Variants in TSHZ2 observed in about 807,000 individuals in gnomAD.
TSHZ2 encodes teashirt zinc finger homeobox 2, also known as teashirt homolog 2.
A neutral mutation model predicts 74.4 loss-of-function variants in TSHZ2; 21 were observed. That is an observed-to-expected ratio of 0.28 (90% confidence interval 0.20 to 0.41). The LOEUF is 0.41. TSHZ2 is among the 10% of genes least tolerant of loss of function. The probability of loss-of-function intolerance (pLI) is 1.00; values close to 1 mark genes in which losing one functional copy is unlikely to be tolerated. For synonymous variants in TSHZ2, 540 were observed against 515.3 expected (o/e 1.05, Z -0.65); for missense variants, 1,244 against 1,293.5 (o/e 0.96, Z 0.59).
chr20:53,463,726 C>T lies in TSHZ2; in HGVS notation c.*9-23418C>T, dbSNP rs146476621. ...AGGCAAAACCTTGGGGAGTAGGGCC[C>T]AGGCATCCACAGGTGACTCCTACCT... On this transcript the variant is annotated intron_variant, in intron 2 of 2. Transcript: ENST00000371497. 6.0e-4 allele frequency among the ~76,000 whole-genome samples: 92 copies of T among 152,286 alleles called. 3 individuals are homozygous for T. The highest frequency in any genetic ancestry group is 2.2e-3 in the African/African-American group (90 of 41,564).
At chr20:53,245,275 T>G (rs778753112) in intron 1 of TSHZ2, among the ~76,000 whole-genome samples, 1 of 152,262 alleles carries the variant, frequency 6.6e-6, no homozygotes, top group Non-Finnish European at 1.5e-5. Flanking sequence ...CCCAAGACAT[T>G]ACACAGTACA....
chr20:53,415,153 T>C (rs1054780415), intron 2 of TSHZ2, among the ~76,000 whole-genome samples: 2 of 152,196 alleles, frequency 1.3e-5, no homozygotes, highest in African/African-American at 4.8e-5. Flanking sequence ...CCCTCTCTCT[T>C]TCATTTGCCT....
intron 2 of TSHZ2, among the ~76,000 whole-genome samples, chr20:53,261,042 T>C (rs1275505730): frequency 6.6e-6 from 1 of 152,206 alleles, no homozygotes; most frequent in African/African-American, 2.4e-5. Flanking sequence ...TCATGATTTG[T>C]CCAAGAAGAC....
chr20:53,412,395 G>A (rs545319714), intron 2 of TSHZ2, among the ~76,000 whole-genome samples: 2 of 152,154 alleles, frequency 1.3e-5, no homozygotes, highest in Non-Finnish European at 2.9e-5. Context: ...ACCCATTGTT[G>A]GTTTTGTTTT....
chr20:53,181,873 C>T (rs1043939376), intron 1 of TSHZ2, among the ~76,000 whole-genome samples: 5 of 152,120 alleles, frequency 3.3e-5, no homozygotes, highest in Admixed American at 2.6e-4. Context: ...AACAGCTGTG[C>T]CCAGACAGCC....
At chr20:53,059,579 C>G (rs569935263) in intron 1 of TSHZ2, among the ~76,000 whole-genome samples, 2 of 152,258 alleles carry the variant, frequency 1.3e-5, no homozygotes, top group Admixed American at 6.5e-5. Context: ...GCCATTTCTC[C>G]TGAATTCATA....
At chr20:53,325,925 G>A (rs530529746) in intron 2 of TSHZ2, among the ~76,000 whole-genome samples, 1 of 152,262 alleles carries the variant, frequency 6.6e-6, no homozygotes, top group East Asian at 1.9e-4. Flanking sequence ...GGGATTACAG[G>A]CATCTGCCAC....
intron 2 of TSHZ2, among the ~76,000 whole-genome samples, chr20:53,350,001 T>C (rs970520519): frequency 1.3e-5 from 2 of 152,212 alleles, no homozygotes; most frequent in African/African-American, 4.8e-5. Flanking sequence ...CAGGGGCCTC[T>C]TCCTTGAATT....
At chr20:53,407,451 C>A (rs937573415) in intron 2 of TSHZ2, among the ~76,000 whole-genome samples, 1 of 152,184 alleles carries the variant, frequency 6.6e-6, no homozygotes, top group South Asian at 2.1e-4. Context: ...CAATTATCAC[C>A]TTGCAAATGG....
intron 1 of TSHZ2, among the ~76,000 whole-genome samples, chr20:53,228,669 T>C (rs1022072478): frequency 2.4e-5 from 3 of 125,536 alleles, no homozygotes; most frequent in African/African-American, 9.4e-5. Context: ...ACCTCCCGAG[T>C]TGAGACAACC....
intron 1 of TSHZ2, among the ~76,000 whole-genome samples, chr20:53,131,828 CCCCCCCAA>C (rs765048492): frequency 7.3e-6 from 1 of 137,806 alleles, no homozygotes; most frequent in African/African-American, 2.6e-5. Context: ...AACCCCCCCC[CCCCCCCAA>C]AAAAAAAAAG....
intron 1 of TSHZ2, among the ~76,000 whole-genome samples, chr20:53,129,791 G>T (rs1987052110): frequency 6.6e-6 from 1 of 151,818 alleles, no homozygotes; most frequent in Non-Finnish European, 1.5e-5. Context: ...ACCTTCGGTT[G>T]GATGATCCAC....
intron 2 of TSHZ2, among the ~76,000 whole-genome samples, chr20:53,430,401 G>A (rs1228146479): frequency 2.0e-5 from 3 of 151,348 alleles, no homozygotes; most frequent in Admixed American, 6.6e-5. Context: ...CACTGCACCC[G>A]GCCAAGGATA....
At chr20:53,121,012 A>G (rs374754286) in intron 1 of TSHZ2, among the ~76,000 whole-genome samples, 16 of 152,188 alleles carry the variant, frequency 1.1e-4, no homozygotes, top group African/African-American at 3.9e-4. Context: ...TCTTTGCCAC[A>G]ACATTTTTGC....
At chr20:53,281,460 C>T (rs1259845807) in intron 2 of TSHZ2, among the ~76,000 whole-genome samples, 1 of 152,200 alleles carries the variant, frequency 6.6e-6, no homozygotes, top group Non-Finnish European at 1.5e-5. Context: ...TACTACAAAT[C>T]TTCAACTCTG....
intron 2 of TSHZ2, among the ~76,000 whole-genome samples, chr20:53,380,643 G>GAATT (rs1244021856): frequency 6.6e-6 from 1 of 152,174 alleles, no homozygotes; most frequent in African/African-American, 2.4e-5. Flanking sequence ...TAGGGATGAA[G>GAATT]AATTCACTTT....
chr20:53,061,779 GT>G (rs1984830931), intron 1 of TSHZ2, among the ~76,000 whole-genome samples: 1 of 152,146 alleles, frequency 6.6e-6, no homozygotes, highest in African/African-American at 2.4e-5. Context: ...AAAGAGACAT[GT>G]TTTTTATGTA....
At chr20:53,135,916 C>T (rs1263154443) in intron 1 of TSHZ2, among the ~76,000 whole-genome samples, 1 of 152,126 alleles carries the variant, frequency 6.6e-6, no homozygotes, top group African/African-American at 2.4e-5. Context: ...ATGTTTGTCC[C>T]ATTTCTAGTA....
chr20:53,064,181 G>C (rs868635429), intron 1 of TSHZ2, among the ~76,000 whole-genome samples: 2 of 152,170 alleles, frequency 1.3e-5, no homozygotes, highest in South Asian at 4.1e-4. Flanking sequence ...TGTTGTGCTT[G>C]ATGGGATCCG....
Sources: allele counts gnomAD v4.1 joint callset (sites outside exome capture counted in the v4.1 genomes callset), GRCh38; gene constraint gnomAD v4.1.1; transcripts MANE v1.5; gene names NCBI Gene and HGNC (gene_info 2026-07-23, HGNC 2026-07-21).